The following SEPTIN14 variants were observed in gnomAD, a reference collection of about 807,000 sequenced individuals.
The protein encoded by SEPTIN14 is septin 14.
SEPTIN14 carries 40 observed loss-of-function variants against 53.6 expected under a neutral mutation model. The ratio of observed to expected loss-of-function variants is 0.75; its 90% CI spans 0.58 to 0.97. The LOEUF is 0.97. Among genes scored for constraint, SEPTIN14 ranks in the 50% least tolerant of loss-of-function variants. The pLI is 0.00. For missense variants in SEPTIN14, 471 were observed against 508.2 expected, an observed-to-expected ratio of 0.93 and a Z score of 0.70; for synonymous variants, 138 against 166.8, an observed-to-expected ratio of 0.83 and a Z score of 1.33.
chr7:55,817,737 T>A (rs1445335960), intron 7 of SEPTIN14, among the ~76,000 whole-genome samples: 1 of 152,152 alleles, frequency 6.6e-6, no homozygotes. Context: ...CCCAAAGTGC[T>A]GGGATTACAG....
chr7:55,836,296 C>T (rs1392472747), intron 5 of SEPTIN14, among the ~76,000 whole-genome samples: 1 of 152,046 alleles, frequency 6.6e-6, no homozygotes, highest in Non-Finnish European at 1.5e-5. Context: ...TAACAATATA[C>T]AAAATTATAT....
At chr7:55,846,050 GA>G (rs1271910282) in intron 3 of SEPTIN14, among the ~76,000 whole-genome samples, 221 of 46,288 alleles carry the variant, frequency 4.8e-3, no homozygotes, top group Non-Finnish European at 6.4e-3. Flanking sequence ...CTCCGTCTCA[GA>G]AAAAAAAAAA....
rs549589766 is a variant in SEPTIN14, at chr7:55,835,289, G to A, written c.559-703C>T. Reference sequence around the variant, plus strand: ...GCGATCTTGGCTCACTGCAAGCTCCGCCTCCCAGGTTCATGCCATTCTCCT... The same window carrying A: ...GCGATCTTGGCTCACTGCAAGCTCCACCTCCCAGGTTCATGCCATTCTCCT... On this transcript the variant is annotated intron_variant, in intron 5 of 9. Transcript: ENST00000388975. Among the ~76,000 whole-genome samples, 8 of 151,830 alleles carry A rather than the reference G, an allele frequency of 5.3e-5. No homozygotes were observed. The South Asian group carries it at 1.5e-3, about 28-fold the overall frequency.
In SEPTIN14 at chr7:55,828,592, CTG is replaced by C. The variant is rs1311940732; in HGVS notation, c.720+5831_720+5832del. ...GTGCTGGGATTACAGGCGTGAGCCA[CTG>C]CACCCGGCCAGATGAAAGCTTTAAC... On this transcript the variant is annotated intron_variant, in intron 6 of 9. Coordinates refer to ENST00000388975, the MANE Select transcript of SEPTIN14 (RefSeq NM_207366.3). 2.0e-5 allele frequency among the ~76,000 whole-genome samples: 3 copies of C among 152,120 alleles called. No individual in the cohort carries two copies. In the East Asian group the frequency reaches 5.8e-4, roughly 29 times the overall value.
chr7:55,843,079 G>C lies in SEPTIN14; in HGVS notation c.421C>G (p.Gln141Glu). 6.2e-7 allele frequency: 1 copy of C among 1,606,448 alleles called. No homozygotes were observed. Among genetic ancestry groups the C allele is most frequent in the Non-Finnish European group, 8.5e-7 (1 of 1,177,728 alleles). ...YIDAQFEAYLQEELKIKRSLF... is the reference protein window; with the variant it reads ...YIDAQFEAYLEEELKIKRSLF... Reference sequence around the variant, plus strand: ...GAACGTTTAATCTTCAGTTCTTCTTGAAGATAGGCCTCAAATTGGGCATCT... The same window carrying C: ...GAACGTTTAATCTTCAGTTCTTCTTCAAGATAGGCCTCAAATTGGGCATCT... The change falls in exon 5 of 10, where the codon CAA becomes GAA. Residue 141 changes from glutamine (Q) to glutamate (E), a missense_variant. Coordinates refer to ENST00000388975, the MANE Select transcript of SEPTIN14 (RefSeq NM_207366.3).
chr7:55,818,874 A>G (rs1788841537), intron 7 of SEPTIN14, among the ~76,000 whole-genome samples: 1 of 152,216 alleles, frequency 6.6e-6, no homozygotes, highest in African/African-American at 2.4e-5. Context: ...TGGGATAGAC[A>G]AAGAGGTTCT....
intron 7 of SEPTIN14, among the ~76,000 whole-genome samples, chr7:55,814,224 A>C (rs1605029): frequency 1.3e-5 from 2 of 151,698 alleles, no homozygotes; most frequent in African/African-American, 4.9e-5. Flanking sequence ...ACCTTCTCAA[A>C]TAGAATAGGC....
At chr7:55,805,230 C>A (rs1383660094) in intron 9 of SEPTIN14, 28 bp downstream of exon 9, 2 of 1,586,270 alleles carry the variant, frequency 1.3e-6, no homozygotes, top group Middle Eastern at 1.7e-4. Flanking sequence ...AAAATTAATA[C>A]AAATTATATC....
At chr7:55,808,617 C>T (rs367683859) in intron 7 of SEPTIN14, among the ~76,000 whole-genome samples, 1 of 152,156 alleles carries the variant, frequency 6.6e-6, no homozygotes, top group East Asian at 1.9e-4. Context: ...AGCAGTGCGA[C>T]CTCAGCTCAC....
chr7:55,861,428 G>A (rs1410252724), intron 2 of SEPTIN14, among the ~76,000 whole-genome samples: 1 of 151,944 alleles, frequency 6.6e-6, no homozygotes, highest in East Asian at 1.9e-4. Context: ...CTTGAACCCA[G>A]GAGGCAGAGG....
chr7:55,854,360 T>C (rs79093551), intron 2 of SEPTIN14, among the ~76,000 whole-genome samples: 38 of 152,254 alleles, frequency 2.5e-4, no homozygotes, highest in African/African-American at 8.2e-4. Flanking sequence ...AGTAAACATC[T>C]GAGTGCTTTC....
chr7:55,839,215 C>T lies in SEPTIN14; in HGVS notation c.558+3727G>A, dbSNP rs562733644. ...ACAGCCTGGCCAACATGGGGAAACC[C>T]CATCTCTACTAAAAGTACAAAAAAT... On this transcript the variant is annotated intron_variant, in intron 5 of 9. Coordinates refer to ENST00000388975, the MANE Select transcript of SEPTIN14 (RefSeq NM_207366.3). Among the ~76,000 whole-genome samples, 167 of 151,638 alleles carry T rather than the reference C, an allele frequency of 1.1e-3. 1 individual carries two copies. Among genetic ancestry groups the T allele is most frequent in the African/African-American group, 3.8e-3 (157 of 41,362 alleles).
At chr7:55,827,502 C>T (rs10266312) in intron 6 of SEPTIN14, among the ~76,000 whole-genome samples, 1 of 152,178 alleles carries the variant, frequency 6.6e-6, no homozygotes, top group African/African-American at 2.4e-5. Context: ...CCTACCTACA[C>T]AGGAGGTAGA....
chr7:55,858,568 G>A (rs1437780620), intron 2 of SEPTIN14, among the ~76,000 whole-genome samples: 1 of 152,170 alleles, frequency 6.6e-6, no homozygotes, highest in African/African-American at 2.4e-5. Context: ...ACTTTGGGAG[G>A]CAGAGGCGAG....
chr7:55,799,351 CAAA>C (rs57842949), intron 9 of SEPTIN14, among the ~76,000 whole-genome samples: 4 of 104,790 alleles, frequency 3.8e-5, no homozygotes, highest in Admixed American at 1.0e-4. Flanking sequence ...ACTAAAAATA[CAAA>C]AAAAAAAAAA....
intron 3 of SEPTIN14, 73 bp downstream of exon 3, chr7:55,846,444 A>G (rs970842322): frequency 1.8e-6 from 2 of 1,111,438 alleles, no homozygotes; most frequent in African/African-American, 1.6e-5. Context: ...TCAATGTTAC[A>G]CTGCTTAAGA....
At chr7:55,831,772 A>G (rs1789111753) in intron 6 of SEPTIN14, among the ~76,000 whole-genome samples, 1 of 152,224 alleles carries the variant, frequency 6.6e-6, no homozygotes, top group Admixed American at 6.5e-5. Context: ...CTCAACAACA[A>G]CAAAGAATAA....
At chr7:55,857,643 A>G (rs1479330997) in intron 2 of SEPTIN14, among the ~76,000 whole-genome samples, 6 of 115,826 alleles carry the variant, frequency 5.2e-5, no homozygotes, top group Non-Finnish European at 9.7e-5. Flanking sequence ...GCTGGAGTGC[A>G]GTGGCACGAT....
chr7:55,844,128 A>C (rs1212715387), intron 4 of SEPTIN14, among the ~76,000 whole-genome samples: 1 of 152,120 alleles, frequency 6.6e-6, no homozygotes, highest in East Asian at 1.9e-4. Flanking sequence ...TGGAATGAAA[A>C]ACTGTCTCAA....
Sources: gnomAD v4.1 joint callset for allele counts (sites outside exome capture counted in the v4.1 genomes callset) on GRCh38, gnomAD v4.1.1 for gene constraint, MANE v1.5 for transcripts, NCBI Gene and HGNC (gene_info 2026-07-23, HGNC 2026-07-21) for gene names.